Variants in MACROD2 observed in about 807,000 individuals in gnomAD.
MACROD2 encodes the protein mono-ADP ribosylhydrolase 2.
A neutral mutation model predicts 70.4 loss-of-function variants in MACROD2; 36 were observed. The ratio of observed to expected loss-of-function variants is 0.51; its 90% CI spans 0.39 to 0.68. The LOEUF (loss-of-function observed/expected upper bound fraction) is 0.68, where lower values mean the gene tolerates loss of function less well. MACROD2 is among the 30% of genes least tolerant of loss of function. The pLI is 0.00. For synonymous variants in MACROD2, 172 were observed against 178.8 expected (o/e 0.96, Z 0.30); for missense variants, 496 against 538.4 (o/e 0.92, Z 0.78).
intron 8 of MACROD2, among the ~76,000 whole-genome samples, chr20:15,652,402 G>T (rs1018244417): frequency 2.6e-5 from 4 of 152,034 alleles, no homozygotes; most frequent in African/African-American, 7.2e-5. Context: ...TTTGTATTTT[G>T]TTTAGTGTAT....
intron 5 of MACROD2, among the ~76,000 whole-genome samples, chr20:15,021,864 A>G (rs577920325): frequency 9.9e-5 from 15 of 152,236 alleles, no homozygotes; most frequent in Admixed American, 8.5e-4. Context: ...TAATATATCA[A>G]TACTGGTTCA....
At chr20:15,569,097 G>A (rs1156678406) in intron 8 of MACROD2, among the ~76,000 whole-genome samples, 1 of 152,170 alleles carries the variant, frequency 6.6e-6, no homozygotes, top group African/African-American at 2.4e-5. Flanking sequence ...AGAAGGATGA[G>A]GGAGGGTCTT....
chr20:15,667,769 T>G (rs187055450), intron 8 of MACROD2, among the ~76,000 whole-genome samples: 103 of 152,330 alleles, frequency 6.8e-4, no homozygotes, highest in African/African-American at 2.4e-3. Flanking sequence ...CTAAATTTGT[T>G]TTTATGTCCC....
intron 3 of MACROD2, among the ~76,000 whole-genome samples, chr20:14,399,510 G>A (rs1010801370): frequency 1.3e-5 from 2 of 151,792 alleles, no homozygotes; most frequent in Non-Finnish European, 2.9e-5. Context: ...TCTTTATCAC[G>A]GTAAATAATT....
chr20:15,840,840 T>C (rs1190164386), intron 8 of MACROD2, among the ~76,000 whole-genome samples: 1 of 152,180 alleles, frequency 6.6e-6, no homozygotes, highest in Admixed American at 6.6e-5. Context: ...GCATGCCAAA[T>C]GTTACCCACA....
chr20:15,326,739 C>T (rs1409608295), intron 6 of MACROD2, among the ~76,000 whole-genome samples: 1 of 152,018 alleles, frequency 6.6e-6, no homozygotes, highest in African/African-American at 2.4e-5. Context: ...TCCCGTGTCC[C>T]CATCTCCAAG....
chr20:14,671,830 G>A (rs2070798893), intron 4 of MACROD2, among the ~76,000 whole-genome samples: 2 of 152,178 alleles, frequency 1.3e-5, no homozygotes, highest in South Asian at 4.2e-4. Flanking sequence ...TCATTGCATT[G>A]TATTTTCTTA....
chr20:15,485,597 C>T (rs554365811), intron 7 of MACROD2, among the ~76,000 whole-genome samples: 47 of 152,250 alleles, frequency 3.1e-4, no homozygotes, highest in East Asian at 2.9e-3. Context: ...ATTATTAAGA[C>T]GAACAATGAT....
chr20:14,127,741 G>T, intron 3 of MACROD2: 2 of 420,240 alleles, frequency 4.8e-6, no homozygotes, highest in Middle Eastern at 3.6e-4. Flanking sequence ...ACATCTTCTG[G>T]TATCAAAGAA....
chr20:14,260,112 A>G (rs2082090053), intron 3 of MACROD2, among the ~76,000 whole-genome samples: 1 of 152,192 alleles, frequency 6.6e-6, no homozygotes, highest in South Asian at 2.1e-4. Context: ...CAAAACATGG[A>G]TATTAGTAGA....
At chr20:15,039,818 C>T (rs1346360885) in intron 5 of MACROD2, among the ~76,000 whole-genome samples, 1 of 152,066 alleles carries the variant, frequency 6.6e-6, no homozygotes, top group Non-Finnish European at 1.5e-5. Context: ...TTTCATCATC[C>T]CTTTTGTTTT....
chr20:15,244,717 G>C (rs1460637712), intron 6 of MACROD2, among the ~76,000 whole-genome samples: 1 of 152,124 alleles, frequency 6.6e-6, no homozygotes, highest in Non-Finnish European at 1.5e-5. Context: ...TTGATATTAA[G>C]AATTTTACCT....
chr20:15,456,132 A>G (rs1430165391), intron 7 of MACROD2, among the ~76,000 whole-genome samples: 1 of 152,172 alleles, frequency 6.6e-6, no homozygotes, highest in East Asian at 1.9e-4. Flanking sequence ...CTAAAGGCAA[A>G]TACTGGTAGT....
chr20:14,617,040 T>G (rs1983523331), intron 4 of MACROD2, among the ~76,000 whole-genome samples: 1 of 152,158 alleles, frequency 6.6e-6, no homozygotes, highest in Non-Finnish European at 1.5e-5. Flanking sequence ...TCCCCAAATA[T>G]TTCTCAAGGA....
intron 8 of MACROD2, among the ~76,000 whole-genome samples, chr20:15,585,163 A>G (rs888892820): frequency 6.7e-6 from 1 of 148,752 alleles, no homozygotes; most frequent in Non-Finnish European, 1.5e-5. Flanking sequence ...AGCCACCACT[A>G]TCTGTGCTGG....
chr20:14,109,061 A>G (rs963921185), intron 3 of MACROD2, among the ~76,000 whole-genome samples: 1 of 152,114 alleles, frequency 6.6e-6, no homozygotes, highest in Non-Finnish European at 1.5e-5. Context: ...AATAATATCA[A>G]GCATCTTCTC....
chr20:15,978,582 G>GTCTCTCTCTCTCTCTCTCTC (rs59205516), intron 13 of MACROD2, among the ~76,000 whole-genome samples: 3 of 146,324 alleles, frequency 2.1e-5, no homozygotes, highest in African/African-American at 7.6e-5. Context: ...CTGACCTTGG[G>GTCTCTCTCTCTCTCTCTCTC]TCTCTCTCTC....
At chr20:15,004,530 A>G (rs754264297) in intron 5 of MACROD2, among the ~76,000 whole-genome samples, 3 of 152,232 alleles carry the variant, frequency 2.0e-5, no homozygotes, top group Non-Finnish European at 4.4e-5. Flanking sequence ...ATTTATCAAT[A>G]TGCACACAAA....
intron 3 of MACROD2, among the ~76,000 whole-genome samples, chr20:14,387,190 A>T (rs1360261713): frequency 6.6e-6 from 1 of 152,204 alleles, no homozygotes; most frequent in Admixed American, 6.5e-5. Flanking sequence ...CCTGTAAAAC[A>T]GTATGAATGT....
Sources: gnomAD v4.1 joint callset for allele counts (sites outside exome capture counted in the v4.1 genomes callset) on GRCh38, gnomAD v4.1.1 for gene constraint, MANE v1.5 for transcripts, NCBI Gene and HGNC (gene_info 2026-07-23, HGNC 2026-07-21) for gene names.